LDLRAD4: variants seen among roughly 807,000 people sequenced by gnomAD.
The protein encoded by LDLRAD4 is low-density lipoprotein receptor class A domain-containing protein 4.
In LDLRAD4, 5 loss-of-function variants were observed where a neutral mutation model predicts 17.0. The observed-to-expected ratio is 0.29, with a 90% confidence interval of 0.15 to 0.62. The LOEUF (loss-of-function observed/expected upper bound fraction) is 0.62, where lower values mean the gene tolerates loss of function less well. LDLRAD4 is among the 20% of genes least tolerant of loss of function. LDLRAD4 has a pLI of 0.84. For missense variants in LDLRAD4, 340 were observed against 424.7 expected, an observed-to-expected ratio of 0.80 and a Z score of 1.75; for synonymous variants, 168 against 171.8, an observed-to-expected ratio of 0.98 and a Z score of 0.17.
At chr18:13,553,746 C>T (rs534022751) in intron 3 of LDLRAD4, among the ~76,000 whole-genome samples, 4 of 152,298 alleles carry the variant, frequency 2.6e-5, no homozygotes, top group African/African-American at 4.8e-5. Context: ...TGGAAACATT[C>T]GCCTTGCCCT....
chr18:13,359,477 T>G (rs966078016), intron 1 of LDLRAD4, among the ~76,000 whole-genome samples: 2 of 152,080 alleles, frequency 1.3e-5, no homozygotes, highest in African/African-American at 2.4e-5. Context: ...TGTCACATGA[T>G]GTACTTCCGT....
intron 3 of LDLRAD4, chr18:13,612,569 C>G: frequency 6.8e-7 from 1 of 1,466,478 alleles, no homozygotes; most frequent in Non-Finnish European, 9.0e-7. Context: ...CACGCTCACA[C>G]ACTCTCCCAC....
intron 2 of LDLRAD4, among the ~76,000 whole-genome samples, chr18:13,425,109 C>G (rs932483446): frequency 2.0e-5 from 3 of 152,122 alleles, no homozygotes; most frequent in African/African-American, 7.2e-5. Context: ...GTGAACATTC[C>G]TTGTATTCAG....
intron 3 of LDLRAD4, among the ~76,000 whole-genome samples, chr18:13,537,879 T>C (rs1261672657): frequency 6.6e-6 from 1 of 152,226 alleles, no homozygotes; most frequent in Non-Finnish European, 1.5e-5. Context: ...TCTTCAGTTT[T>C]TCTGTTCTTT....
chr18:13,642,927 T>C (rs2042714076), intron 4 of LDLRAD4, among the ~76,000 whole-genome samples: 1 of 117,202 alleles, frequency 8.5e-6, no homozygotes, highest in Non-Finnish European at 1.6e-5. Context: ...ATCTATTTTT[T>C]GTTTTTTTTT....
chr18:13,553,025 C>A (rs764432108), intron 3 of LDLRAD4, among the ~76,000 whole-genome samples: 4 of 152,080 alleles, frequency 2.6e-5, no homozygotes, highest in Non-Finnish European at 5.9e-5. Context: ...AAGGAAGGAT[C>A]TGAAAAATGA....
chr18:13,441,376 C>T (rs940324507), intron 3 of LDLRAD4, among the ~76,000 whole-genome samples: 3 of 152,224 alleles, frequency 2.0e-5, no homozygotes, highest in Admixed American at 6.5e-5. Flanking sequence ...TCCACCTGGA[C>T]GGAATCAGAG....
chr18:13,628,360 G>T (rs992880900), intron 4 of LDLRAD4, among the ~76,000 whole-genome samples: 1 of 152,218 alleles, frequency 6.6e-6, no homozygotes, highest in African/African-American at 2.4e-5. Flanking sequence ...TTCCCTGCAG[G>T]CAAGGCAGAC....
rs114475478 is a variant in LDLRAD4 at position 13,286,188 on chromosome 18, A to G, written c.-383+8000A>G. On this transcript the variant is annotated intron_variant, in intron 1 of 5. Transcript: ENST00000359446. ...TACCTCATAAGTGGAATCATGCAGT[A>G]TTTGTCCTTTTGTGTCTAGTGTATT... Among the ~76,000 whole-genome samples the G allele has an allele frequency of 4.4e-3, 673 of 152,282 alleles. 3 individuals are homozygous for G. The highest frequency in any genetic ancestry group is 0.015 in the African/African-American group (642 of 41,564).
chr18:13,360,020 A>T (rs895114605), intron 1 of LDLRAD4, among the ~76,000 whole-genome samples: 2 of 152,200 alleles, frequency 1.3e-5, no homozygotes, highest in African/African-American at 4.8e-5. Context: ...TCAACTTCAG[A>T]TGGAGCACAG....
chr18:13,468,550 T>C (rs12965611), intron 3 of LDLRAD4, among the ~76,000 whole-genome samples: 148,490 of 152,170 alleles, frequency 0.98, 72,556 homozygotes, highest in East Asian at 1. Flanking sequence ...CACATGCACA[T>C]GTATGTTTAT....
At chr18:13,499,891 G>C (rs1199679987) in intron 3 of LDLRAD4, among the ~76,000 whole-genome samples, 3 of 152,170 alleles carry the variant, frequency 2.0e-5, no homozygotes, top group African/African-American at 7.2e-5. Flanking sequence ...TGTCCTTCCA[G>C]TATGCTGCTT....
At position 13,398,275 on chromosome 18, in the gene LDLRAD4, C is replaced by G. The variant is rs1467552689; in HGVS notation, c.40+10513C>G. ...AAAATACAAACTTTTCCATGTGTAC[C>G]TTAGATAACCTCACTGGCGTTTGTC... is the stretch of plus-strand genomic sequence containing the variant. On this transcript the variant is annotated intron_variant, in intron 2 of 5. Coordinates refer to ENST00000359446, the Ensembl canonical transcript of LDLRAD4. This position sits in a 1 kb window ranked among gnomAD's most constrained non-coding sequence, Gnocchi z 4.8. 1.3e-5 allele frequency among the ~76,000 whole-genome samples: 2 copies of G among 152,102 alleles called. No homozygotes were observed. The highest frequency in any genetic ancestry group is 2.9e-5 in the Non-Finnish European group (2 of 68,030).
rs942830930 is a variant in LDLRAD4 at position 13,546,056 on chromosome 18, T to A, written c.182-75061T>A. 1.6e-4 allele frequency among the ~76,000 whole-genome samples: 24 copies of A among 152,156 alleles called. 1 individual carries two copies. Among genetic ancestry groups the A allele is most frequent in the Admixed American group, 4.6e-4 (7 of 15,280 alleles). Reference sequence around the variant, plus strand: ...GGACCTAAGTTCCCTACCTGTGAAGTGAGAGCCTGAGGCTGTTCGGGATTA... The same window carrying A: ...GGACCTAAGTTCCCTACCTGTGAAGAGAGAGCCTGAGGCTGTTCGGGATTA... On this transcript the variant is annotated intron_variant, in intron 3 of 5. Transcript: ENST00000359446.
intron 1 of LDLRAD4, among the ~76,000 whole-genome samples, chr18:13,318,249 T>C (rs1226449120): frequency 6.6e-6 from 1 of 152,114 alleles, no homozygotes; most frequent in African/African-American, 2.4e-5. Flanking sequence ...GGGATGGAGC[T>C]TTAATTCATA....
At chr18:13,500,653 G>A (rs903092839) in intron 3 of LDLRAD4, 1 of 152,202 alleles carries the variant, frequency 6.6e-6, no homozygotes, top group African/African-American at 2.4e-5. Flanking sequence ...ACTGAAAGGA[G>A]GCTGATGTCA....
intron 1 of LDLRAD4, among the ~76,000 whole-genome samples, chr18:13,304,621 C>T (rs1218274694): frequency 6.6e-6 from 1 of 152,200 alleles, no homozygotes; most frequent in African/African-American, 2.4e-5. Flanking sequence ...CTGTATACAC[C>T]GACACACGCT....
chr18:13,635,664 T>C (rs867133741), intron 4 of LDLRAD4, among the ~76,000 whole-genome samples: 2 of 152,216 alleles, frequency 1.3e-5, no homozygotes, highest in African/African-American at 4.8e-5. Context: ...AACAGATTGC[T>C]CAAGTGTAAA....
chr18:13,411,365 G>T (rs1419506724), intron 2 of LDLRAD4, among the ~76,000 whole-genome samples: 1 of 152,030 alleles, frequency 6.6e-6, no homozygotes, highest in Non-Finnish European at 1.5e-5. Flanking sequence ...ACAAATGCTT[G>T]AACAAAGCAT....
Sources: gnomAD v4.1 joint callset for allele counts (sites outside exome capture counted in the v4.1 genomes callset) on GRCh38, gnomAD v4.1.1 for gene constraint, Gnocchi (gnomAD v3.1) non-coding constraint, MANE v1.5 for transcripts, NCBI Gene and HGNC (gene_info 2026-07-23, HGNC 2026-07-21) for gene names.